The following MTUS2 variants were observed in gnomAD, a reference collection of about 807,000 sequenced individuals.
MTUS2 encodes microtubule-associated tumor suppressor candidate 2.
In MTUS2, 40 loss-of-function variants were observed where a neutral mutation model predicts 114.1. The observed-to-expected ratio is 0.35, with a 90% CI of 0.27 to 0.46. The LOEUF (loss-of-function observed/expected upper bound fraction) is 0.46. MTUS2 is among the 20% of genes least tolerant of loss of function. The probability of loss-of-function intolerance (pLI) is 1.00; values close to 1 mark genes in which losing one functional copy is unlikely to be tolerated. For missense variants in MTUS2, 1,679 were observed against 1,705.4 expected (o/e 0.98, Z 0.27); for synonymous variants, 688 against 672.0 (o/e 1.02, Z -0.37).
intron 2 of MTUS2, among the ~76,000 whole-genome samples, chr13:28,937,154 CTT>C (rs111741213): frequency 0.016 from 2,487 of 150,916 alleles, 56 homozygotes; most frequent in African/African-American, 0.055. Flanking sequence ...ACTTGGAGAA[CTT>C]TTCTGTCTTA....
At chr13:29,183,901 G>A (rs1295565594) in intron 5 of MTUS2, among the ~76,000 whole-genome samples, 1 of 151,942 alleles carries the variant, frequency 6.6e-6, no homozygotes, top group African/African-American at 2.4e-5. Context: ...AGGAAGATAG[G>A]GTCTTTTACT....
At chr13:28,855,334 A>C (rs1472993709) in intron 2 of MTUS2, among the ~76,000 whole-genome samples, 1 of 152,106 alleles carries the variant, frequency 6.6e-6, no homozygotes, top group Non-Finnish European at 1.5e-5. Flanking sequence ...AAACGTGTGC[A>C]ATGGTGGTTT....
intron 8 of MTUS2, among the ~76,000 whole-genome samples, chr13:29,394,920 C>T (rs1873797932): frequency 6.6e-6 from 1 of 152,028 alleles, no homozygotes; most frequent in African/African-American, 2.4e-5. Flanking sequence ...CCTGAAACAC[C>T]CCCCACCCGC....
At chr13:29,254,741 A>T (rs1245518063) in intron 5 of MTUS2, among the ~76,000 whole-genome samples, 1 of 152,234 alleles carries the variant, frequency 6.6e-6, no homozygotes, top group Non-Finnish European at 1.5e-5. Flanking sequence ...TGTGACAAGA[A>T]ATAGAGGAGC....
intron 2 of MTUS2, among the ~76,000 whole-genome samples, chr13:28,999,160 G>C (rs559329134): frequency 6.6e-6 from 1 of 152,352 alleles, no homozygotes; most frequent in East Asian, 1.9e-4. Flanking sequence ...GTCCACTCCA[G>C]ACCCTGTTTG....
At chr13:29,425,726 A>G (rs1015477699) in intron 8 of MTUS2, among the ~76,000 whole-genome samples, 2 of 152,322 alleles carry the variant, frequency 1.3e-5, no homozygotes, top group African/African-American at 4.8e-5. Context: ...ATTTCTCAGA[A>G]TCTGGGTCAT....
At chr13:29,230,000 A>G (rs1019849056) in intron 5 of MTUS2, among the ~76,000 whole-genome samples, 4 of 152,212 alleles carry the variant, frequency 2.6e-5, no homozygotes, top group Non-Finnish European at 5.9e-5. Context: ...TAATCCCAGC[A>G]CTTTGGGTGG....
intron 7 of MTUS2, among the ~76,000 whole-genome samples, chr13:29,357,252 A>G (rs1187198966): frequency 2.6e-5 from 4 of 152,202 alleles, no homozygotes; most frequent in Non-Finnish European, 5.9e-5. Context: ...CCTCCCCAGA[A>G]ATAAATCTAA....
rs571240456 is a variant in MTUS2, at chr13:28,955,334, A to G, written c.-242-69123A>G. ...ATAAATACAAACTAAAAGCAGATTT[A>G]TAAGTATCTAGAGGCAGCTTTTGTG... is the stretch of plus-strand genomic sequence containing the variant. On this transcript the variant is annotated intron_variant, in intron 2 of 15. Coordinates refer to ENST00000612955, the MANE Select transcript of MTUS2 (RefSeq NM_001033602.4). Among the ~76,000 whole-genome samples the G allele has an allele frequency of 3.9e-5, 6 of 152,374 alleles. No homozygotes were observed. In the East Asian group the frequency reaches 9.6e-4, roughly 24 times the overall value.
intron 8 of MTUS2, among the ~76,000 whole-genome samples, chr13:29,383,250 G>GTATATATATATATATATTTATTTA (rs763660299): frequency 3.1e-5 from 2 of 64,390 alleles, no homozygotes; most frequent in Non-Finnish European, 9.0e-5. Context: ...GTGTGTGTGT[G>GTATATATATATATATATTTATTTA]TGTATTTATT....
rs544086455 is a variant in MTUS2 at position 29,171,833 on chromosome 13, T to G, written c.2644+70863T>G. On this transcript the variant is annotated intron_variant, in intron 5 of 15. Transcript: ENST00000612955. ...TGAAATCCAGTCATTATGTCAGCAT[T>G]CCAGTCAGTAGAAAGGAAAAGTAGC... 5.0e-4 allele frequency among the ~76,000 whole-genome samples: 76 copies of G among 152,294 alleles called. 1 individual carries two copies. Among genetic ancestry groups the G allele is most frequent in the Admixed American group, 4.2e-3 (64 of 15,292 alleles).
chr13:29,488,217 C>G (rs1881776527), intron 11 of MTUS2: 1 of 564,796 alleles, frequency 1.8e-6, no homozygotes, highest in Non-Finnish European at 3.2e-6. Flanking sequence ...TGCAGTTATC[C>G]TCAACCTTGA....
rs565203692 is a variant in MTUS2 at position 29,318,910 on chromosome 13, A to AAT, written c.2807-5699_2807-5698dup. Among the ~76,000 whole-genome samples the AAT allele has an allele frequency of 1.2e-4, 19 of 152,288 alleles. No homozygotes were observed. In the South Asian group the frequency reaches 3.9e-3, roughly 32 times the overall value. The stretch of plus-strand genomic sequence containing the variant: ...GGTTTGTAGTGATTGGCATTGGGTG[A>AAT]ATATAATCAGTGCCAGTATTTCAAA... On this transcript the variant is annotated intron_variant, in intron 6 of 15. Coordinates refer to ENST00000612955, the MANE Select transcript of MTUS2 (RefSeq NM_001033602.4).
intron 2 of MTUS2, among the ~76,000 whole-genome samples, chr13:28,869,832 T>A (rs571175423): frequency 6.6e-6 from 1 of 152,286 alleles, no homozygotes; most frequent in South Asian, 2.1e-4. Context: ...CAGACCCCTA[T>A]ATTTTATGTG....
rs117877958 is a variant in MTUS2 at position 28,979,180 on chromosome 13, G to A, written c.-242-45277G>A. Among the ~76,000 whole-genome samples the A allele has an allele frequency of 4.3e-4, 66 of 152,304 alleles. No homozygotes were observed. In the East Asian group the frequency reaches 0.01, roughly 24 times the overall value. Reference sequence around the variant, plus strand: ...GAGAAACTTGTTTTAAGTAGGTAGCGTGACCAGCCACAGTTGAGGACTTAA... The same window carrying A: ...GAGAAACTTGTTTTAAGTAGGTAGCATGACCAGCCACAGTTGAGGACTTAA... On this transcript the variant is annotated intron_variant, in intron 2 of 15. Transcript: ENST00000612955.
intron 6 of MTUS2, among the ~76,000 whole-genome samples, chr13:29,314,618 A>G (rs1050451206): frequency 1.2e-4 from 18 of 152,352 alleles, no homozygotes; most frequent in Admixed American, 7.2e-4. Context: ...CATGTTACTT[A>G]TATCTATGGA....
At chr13:29,287,953 C>T (rs1898559398) in intron 6 of MTUS2, among the ~76,000 whole-genome samples, 2 of 152,212 alleles carry the variant, frequency 1.3e-5, no homozygotes, top group African/African-American at 4.8e-5. Context: ...AGCTGCTATA[C>T]AGCCTGACGT....
chr13:28,997,212 A>G (rs935077227), intron 2 of MTUS2, among the ~76,000 whole-genome samples: 3 of 152,104 alleles, frequency 2.0e-5, no homozygotes, highest in African/African-American at 4.8e-5. Flanking sequence ...GTTTTGAGTG[A>G]GTTTCTTAAT....
intron 5 of MTUS2, among the ~76,000 whole-genome samples, chr13:29,155,391 TAA>T (rs1263786304): frequency 6.6e-6 from 1 of 152,124 alleles, no homozygotes; most frequent in Non-Finnish European, 1.5e-5. Flanking sequence ...CAGAAACATA[TAA>T]AATAAGTCCA....
Sources: allele counts gnomAD v4.1 joint callset (sites outside exome capture counted in the v4.1 genomes callset), GRCh38; gene constraint gnomAD v4.1.1; transcripts MANE v1.5; gene names NCBI Gene and HGNC (gene_info 2026-07-23, HGNC 2026-07-21).